Variants in BRAF observed in about 807,000 individuals in gnomAD.
BRAF encodes B-Raf proto-oncogene, serine/threonine kinase, also known as serine/threonine-protein kinase B-raf.
In BRAF, 16 loss-of-function variants were observed where a neutral mutation model predicts 104.6. The ratio of observed to expected loss-of-function variants is 0.15; its 90% CI spans 0.10 to 0.23. The LOEUF is 0.23. Among genes scored for constraint, BRAF ranks in the 10% least tolerant of loss-of-function variants. The pLI, the probability that BRAF is intolerant of heterozygous loss-of-function variation, is 1.00. For synonymous variants in BRAF, 310 were observed against 341.6 expected (o/e 0.91, Z 1.02); for missense variants, 541 against 937.3 (o/e 0.58, Z 5.52).
At chr7:140,828,816 T>C (rs1317103399) in intron 3 of BRAF, among the ~76,000 whole-genome samples, 1 of 152,242 alleles carries the variant, frequency 6.6e-6, no homozygotes, top group Admixed American at 6.5e-5. Context: ...TTGACAGATA[T>C]TATCAAAGTG....
In BRAF at chr7:140,727,333, G is replaced by A. The variant is rs556007502; in HGVS notation, c.2402-817C>T. ...CAAGTAGCTGGGATTACAGGCATCC[G>A]CCACCAGGCCTGGCTAATTTTTGTA... On this transcript the variant is annotated intron_variant, in intron 19 of 19. Transcript: ENST00000644969. Among the ~76,000 whole-genome samples the A allele has an allele frequency of 8.6e-5, 13 of 152,006 alleles. No homozygotes were observed. The East Asian group carries it at 1.6e-3, about 18-fold the overall frequency.
At chr7:140,768,843 A>G in intron 14 of BRAF, among the ~76,000 whole-genome samples, 1 of 151,920 alleles carries the variant, frequency 6.6e-6, no homozygotes, top group East Asian at 1.9e-4. Flanking sequence ...CTATAGAGTG[A>G]GGCTGTCCCT....
At chr7:140,804,998 T>C (rs1490062565) in intron 5 of BRAF, among the ~76,000 whole-genome samples, 1 of 151,920 alleles carries the variant, frequency 6.6e-6, no homozygotes, top group Non-Finnish European at 1.5e-5. Flanking sequence ...GAGATGAGGT[T>C]TTGTCATGTT....
intron 14 of BRAF, among the ~76,000 whole-genome samples, chr7:140,774,582 T>C (rs1267640): frequency 0.098 from 14,876 of 152,210 alleles, 793 homozygotes; most frequent in South Asian, 0.19. Context: ...AGTGGCACAA[T>C]CACGACTCCT....
In BRAF at chr7:140,721,259, A is replaced by G. The variant is rs2130818714; in HGVS notation, c.*5235T>C. On this transcript the variant is annotated 3_prime_UTR_variant, in exon 20 of 20. Coordinates refer to ENST00000644969, the MANE Select transcript of BRAF (RefSeq NM_001374258.1). ...TGTGGATGTTAAATAAAAGTACTTTAGTCACTCATTGAGTTGCCGACTAAT... is the reference window on the plus strand; with the variant it reads ...TGTGGATGTTAAATAAAAGTACTTTGGTCACTCATTGAGTTGCCGACTAAT... 1.8e-6 allele frequency: 2 copies of G among 1,118,834 alleles called. No homozygotes were observed. The highest frequency in any genetic ancestry group is 8.7e-5 in the East Asian group (2 of 22,996). The allele number at this position is 1,118,834 out of a possible 1,614,324, so 69.3% of individuals were successfully genotyped here. A position where few individuals can be genotyped will look rare whatever the true frequency, so the allele number is the denominator to read the frequency against.
At chr7:140,830,607 A>G (rs962418374) in intron 3 of BRAF, among the ~76,000 whole-genome samples, 11 of 152,332 alleles carry the variant, frequency 7.2e-5, no homozygotes, top group African/African-American at 2.4e-4. Flanking sequence ...GGTCAAAAGA[A>G]AGACCAAGCC....
rs919597227 is a variant in BRAF, at chr7:140,924,831, G to A, written c.-128C>T. On this transcript the variant is annotated 5_prime_UTR_variant, in exon 1 of 20. Transcript: ENST00000644969. The surrounding 1 kb of genome is among the most constrained non-coding windows in gnomAD (Gnocchi z 4.2). ...CGGGGGGCGCGGGGGGCGCGGGGAG[G>A]AGCGGCCCGGGCGGCGCCGCGGGCG... is the stretch of plus-strand genomic sequence containing the variant. The A allele has an allele frequency of 3.2e-5, 11 of 346,652 alleles. No homozygotes were observed. The highest frequency in any genetic ancestry group is 5.6e-5 in the Non-Finnish European group (11 of 196,274). The allele number at this position is 346,652 out of a possible 1,614,324, so 21.5% of individuals were successfully genotyped here. A position where few individuals can be genotyped will look rare whatever the true frequency, so the allele number is the denominator to read the frequency against.
At chr7:140,857,427 AAG>A (rs1163416020) in intron 1 of BRAF, among the ~76,000 whole-genome samples, 4 of 152,204 alleles carry the variant, frequency 2.6e-5, no homozygotes, top group Non-Finnish European at 4.4e-5. Context: ...CCAGAAATGT[AAG>A]AGAGTACACC....
intron 1 of BRAF, among the ~76,000 whole-genome samples, chr7:140,892,985 C>G (rs1814429059): frequency 1.3e-5 from 2 of 152,150 alleles, no homozygotes; most frequent in South Asian, 4.1e-4. Context: ...AATTAAAAAT[C>G]AAATCATCGA....
chr7:140,738,191 T>C (rs1418551662), intron 18 of BRAF, among the ~76,000 whole-genome samples: 2 of 152,234 alleles, frequency 1.3e-5, no homozygotes, highest in African/African-American at 4.8e-5. Context: ...CTTTGAAACC[T>C]GATAAATGAA....
intron 1 of BRAF, among the ~76,000 whole-genome samples, chr7:140,911,360 T>G (rs1381240006): frequency 6.6e-6 from 1 of 152,152 alleles, no homozygotes; most frequent in Non-Finnish European, 1.5e-5. Context: ...TCTACCATAT[T>G]AAGACGACAC....
intron 14 of BRAF, among the ~76,000 whole-genome samples, chr7:140,756,150 T>A (rs552645868): frequency 6.6e-6 from 1 of 152,068 alleles, no homozygotes; most frequent in Admixed American, 6.5e-5. Context: ...ATAAATGTAA[T>A]TGGGGAACCA....
chr7:140,828,374 T>G (rs1806312434), intron 3 of BRAF, among the ~76,000 whole-genome samples: 1 of 152,212 alleles, frequency 6.6e-6, no homozygotes, highest in Non-Finnish European at 1.5e-5. Context: ...TCCTATGCTT[T>G]TCTGGTTTTT....
intron 2 of BRAF, among the ~76,000 whole-genome samples, chr7:140,839,083 A>T (rs1408268397): frequency 1.3e-5 from 2 of 152,154 alleles, no homozygotes; most frequent in African/African-American, 2.4e-5. Flanking sequence ...AATTCAATGC[A>T]GAAAGAATGG....
At chr7:140,751,442 C>A (rs1797780698) in intron 16 of BRAF, among the ~76,000 whole-genome samples, 1 of 152,058 alleles carries the variant, frequency 6.6e-6, no homozygotes, top group Non-Finnish European at 1.5e-5. Flanking sequence ...AATAAAGGTG[C>A]CTGACATCAG....
At chr7:140,819,776 T>G (rs1035186407) in intron 3 of BRAF, among the ~76,000 whole-genome samples, 2 of 152,104 alleles carry the variant, frequency 1.3e-5, no homozygotes, top group Non-Finnish European at 2.9e-5. Context: ...TGCCAGAGAA[T>G]AGGCAAATCT....
chr7:140,804,080 T>C, intron 5 of BRAF, among the ~76,000 whole-genome samples: 1 of 151,874 alleles, frequency 6.6e-6, no homozygotes, highest in East Asian at 1.9e-4. Flanking sequence ...GGAGATGGAG[T>C]TTCACCATGT....
chr7:140,888,791 C>T (rs982408751), intron 1 of BRAF, among the ~76,000 whole-genome samples: 2 of 151,446 alleles, frequency 1.3e-5, no homozygotes, highest in African/African-American at 2.4e-5. Context: ...GCCGAGATTG[C>T]GCCATTGCAC....
At position 140,726,388 on chromosome 7, in the gene BRAF, T is replaced by C. The variant is rs572502267; in HGVS notation, c.*106A>G. 15 of 1,509,050 alleles carry C rather than the reference T, an allele frequency of 9.9e-6. No homozygotes were observed. The Admixed American group carries it at 1.1e-4, about 11-fold the overall frequency. The allele number at this position is 1,509,050 out of a possible 1,614,324, so 93.5% of individuals were successfully genotyped here. A position where few individuals can be genotyped will look rare whatever the true frequency, so the allele number is the denominator to read the frequency against. On this transcript the variant is annotated 3_prime_UTR_variant, in exon 20 of 20. Transcript: ENST00000644969. ...CACATCAGCTTATGCATTGGAAATT[T>C]TGTATCTTTAAAAAAAGATTTGAGG...
Sources: gnomAD v4.1 joint callset for allele counts (sites outside exome capture counted in the v4.1 genomes callset) on GRCh38, gnomAD v4.1.1 for gene constraint, Gnocchi (gnomAD v3.1) non-coding constraint, MANE v1.5 for transcripts, NCBI Gene and HGNC (gene_info 2026-07-23, HGNC 2026-07-21) for gene names.